ARHGAP15: variants seen among roughly 807,000 people sequenced by gnomAD.
ARHGAP15 encodes the protein Rho GTPase activating protein 15.
A neutral mutation model predicts 63.7 loss-of-function variants in ARHGAP15; 51 were observed. The observed-to-expected ratio is 0.80, with a 90% confidence interval of 0.64 to 1.01. The LOEUF is 1.01. ARHGAP15 is among the 50% of genes least tolerant of loss of function. ARHGAP15 has a pLI of 0.00. For synonymous variants in ARHGAP15, 191 were observed against 193.8 expected, an observed-to-expected ratio of 0.99 and a Z score of 0.12; for missense variants, 560 against 564.6, an observed-to-expected ratio of 0.99 and a Z score of 0.08.
intron 2 of ARHGAP15, among the ~76,000 whole-genome samples, chr2:143,201,564 G>C (rs1368623942): frequency 3.3e-5 from 5 of 152,038 alleles, no homozygotes; most frequent in African/African-American, 9.7e-5. Flanking sequence ...ATAGGGAATA[G>C]AATGATGATT....
rs959403001 is a variant in ARHGAP15 at position 143,433,645 on chromosome 2, G to A, written c.475-1956G>A. On this transcript the variant is annotated intron_variant, in intron 6 of 13. Transcript: ENST00000295095. ...AAGTACTTATATTTTATCACTGTTT[G>A]AATTTACTAGACTGCAAGCTGAACT... Among the ~76,000 whole-genome samples the A allele has an allele frequency of 2.3e-4, 35 of 152,198 alleles. 2 individuals are homozygous for A. In the East Asian group the frequency reaches 2.9e-3, roughly 13 times the overall value.
At chr2:143,430,176 AC>A (rs1689320764) in intron 6 of ARHGAP15, among the ~76,000 whole-genome samples, 1 of 124,168 alleles carries the variant, frequency 8.1e-6, no homozygotes, top group South Asian at 2.4e-4. Context: ...TGCCAAAGTA[AC>A]TTTTTTTTTT....
At chr2:143,620,254 T>G (rs1284036797) in intron 11 of ARHGAP15, among the ~76,000 whole-genome samples, 1 of 152,208 alleles carries the variant, frequency 6.6e-6, no homozygotes, top group Non-Finnish European at 1.5e-5. Context: ...GTAAATCCAG[T>G]CCTGGAGTGG....
chr2:143,732,325 A>C (rs1487937185), intron 13 of ARHGAP15, among the ~76,000 whole-genome samples: 1 of 152,166 alleles, frequency 6.6e-6, no homozygotes, highest in Non-Finnish European at 1.5e-5. Flanking sequence ...CATAGCATGC[A>C]TTTGGAATAC....
chr2:143,372,349 TAAAA>T (rs35140789), intron 6 of ARHGAP15, among the ~76,000 whole-genome samples: 2 of 114,170 alleles, frequency 1.8e-5, no homozygotes, highest in South Asian at 3.0e-4. Flanking sequence ...GTAGTCGATT[TAAAA>T]AAAAAAAAAA....
chr2:143,763,160 TA>T (rs933578454), intron 13 of ARHGAP15, among the ~76,000 whole-genome samples: 8 of 150,658 alleles, frequency 5.3e-5, no homozygotes, highest in South Asian at 2.1e-4. Flanking sequence ...GATGTGAGGT[TA>T]AAAAAAAATA....
At chr2:143,731,600 C>T (rs1253350980) in intron 13 of ARHGAP15, among the ~76,000 whole-genome samples, 1 of 152,198 alleles carries the variant, frequency 6.6e-6, no homozygotes, top group Non-Finnish European at 1.5e-5. Context: ...TCTTTTAGAT[C>T]TGCTATTCAG....
intron 8 of ARHGAP15, among the ~76,000 whole-genome samples, chr2:143,465,988 A>T (rs1691187689): frequency 6.6e-6 from 1 of 152,170 alleles, no homozygotes; most frequent in Non-Finnish European, 1.5e-5. Context: ...AAACAAACGG[A>T]TGCCTTGAAC....
At chr2:143,312,494 T>A (rs973610318) in intron 6 of ARHGAP15, among the ~76,000 whole-genome samples, 4 of 152,184 alleles carry the variant, frequency 2.6e-5, no homozygotes, top group Non-Finnish European at 1.5e-5. Context: ...AAAAAAAGCA[T>A]GTTCAAAAAT....
rs950021823 is a variant in ARHGAP15, at chr2:143,768,312, G to C, written c.*140G>C. The stretch of plus-strand genomic sequence containing the variant: ...TTTGTGAAAACTTAATGATGATTTT[G>C]TGTTTAAGTTCCAAACATTTGAATA... On this transcript the variant is annotated 3_prime_UTR_variant, in exon 14 of 14. Coordinates refer to ENST00000295095, the MANE Select transcript of ARHGAP15 (RefSeq NM_018460.4). 2 of 801,720 alleles carry C rather than the reference G, an allele frequency of 2.5e-6. No homozygotes were observed. Among genetic ancestry groups the C allele is most frequent in the Non-Finnish European group, 3.9e-6 (2 of 514,352 alleles). 49.7% of individuals were successfully genotyped at this position (801,720 alleles called of 1,614,324 possible).
chr2:143,230,397 A>G (rs1473783186), intron 5 of ARHGAP15, among the ~76,000 whole-genome samples: 1 of 152,214 alleles, frequency 6.6e-6, no homozygotes, highest in African/African-American at 2.4e-5. Context: ...GATTGCAGGC[A>G]AATCTTGCAA....
intron 9 of ARHGAP15, among the ~76,000 whole-genome samples, chr2:143,502,017 C>CT (rs1343510493): frequency 6.6e-6 from 1 of 152,138 alleles, no homozygotes; most frequent in Admixed American, 6.5e-5. Context: ...CACAGCCTTA[C>CT]TTCATCCAGG....
chr2:143,410,088 T>C (rs1033262181), intron 6 of ARHGAP15, among the ~76,000 whole-genome samples: 15 of 152,152 alleles, frequency 9.9e-5, no homozygotes, highest in African/African-American at 2.9e-4. Context: ...CTGAAACCAG[T>C]GTTGGTACAC....
At chr2:143,206,991 C>T (rs1168989459) in intron 3 of ARHGAP15, among the ~76,000 whole-genome samples, 3 of 151,160 alleles carry the variant, frequency 2.0e-5, no homozygotes, top group African/African-American at 7.3e-5. Flanking sequence ...CCTAAAGGTG[C>T]CCCAAAGTTT....
At chr2:143,441,254 T>C (rs888219899) in intron 8 of ARHGAP15, among the ~76,000 whole-genome samples, 5 of 152,054 alleles carry the variant, frequency 3.3e-5, no homozygotes, top group Non-Finnish European at 1.5e-5. Flanking sequence ...GAATTGGATA[T>C]GGGAGTCATA....
At chr2:143,265,930 A>G (rs1356934435) in intron 6 of ARHGAP15, among the ~76,000 whole-genome samples, 1 of 152,154 alleles carries the variant, frequency 6.6e-6, no homozygotes, top group Non-Finnish European at 1.5e-5. Context: ...GTTTCAATAA[A>G]ATATATTATT....
chr2:143,155,550 C>T lies in ARHGAP15; in HGVS notation c.60C>T (p.Gly20=), dbSNP rs755616806. Residue 20 remains glycine, a synonymous_variant, in exon 2 of 14, where the codon GGC becomes GGT. Coordinates refer to ENST00000295095, the MANE Select transcript of ARHGAP15 (RefSeq NM_018460.4). The part of the protein sequence containing the change: ...SVETLNSTRQ[G]TGAVQMRIKN... ...AAACACTGAATTCTACCCGCCAAGGCACAGGAGCTGTGCAAATGAGAATCA... is the reference window on the plus strand; with the variant it reads ...AAACACTGAATTCTACCCGCCAAGGTACAGGAGCTGTGCAAATGAGAATCA... 4 of 1,609,454 alleles carry T rather than the reference C, an allele frequency of 2.5e-6. No homozygotes were observed. The South Asian group carries it at 4.4e-5, about 18-fold the overall frequency.
chr2:143,638,002 C>T (rs998927385), intron 12 of ARHGAP15, among the ~76,000 whole-genome samples: 2 of 150,544 alleles, frequency 1.3e-5, no homozygotes, highest in South Asian at 2.1e-4. Context: ...CAGGAAACAA[C>T]AGGTGCTGGA....
Position 143,216,346 on chromosome 2 carries a change from A to G in ARHGAP15, c.235-38A>G, listed in dbSNP as rs375720316. 4.5e-4 allele frequency: 672 copies of G among 1,482,508 alleles called. 7 individuals carry two copies. In the South Asian group the frequency reaches 7.1e-3, roughly 16 times the overall value. 91.8% of individuals were successfully genotyped at this position (1,482,508 alleles called of 1,614,324 possible). ...TTTATTCAAATCAACAATGCATAGT[A>G]GTTTGTCACGGTTTTAACATATGCA... On this transcript the variant is annotated intron_variant, in intron 3 of 13. Transcript: ENST00000295095.
Sources: gnomAD v4.1 joint callset for allele counts (sites outside exome capture counted in the v4.1 genomes callset) on GRCh38, gnomAD v4.1.1 for gene constraint, MANE v1.5 for transcripts, NCBI Gene and HGNC (gene_info 2026-07-23, HGNC 2026-07-21) for gene names.